Variants in PARP8 observed in about 807,000 individuals in gnomAD.
The protein encoded by PARP8 is poly(ADP-ribose) polymerase family member 8, also known as protein mono-ADP-ribosyltransferase PARP8.
A neutral mutation model predicts 124.1 loss-of-function variants in PARP8; 51 were observed. The ratio of observed to expected loss-of-function variants is 0.41; its 90% CI spans 0.33 to 0.52. PARP8 has a LOEUF of 0.52. PARP8 is among the 20% of genes least tolerant of loss of function. PARP8 has a pLI of 0.21. For synonymous variants in PARP8, 391 were observed against 361.5 expected (o/e 1.08, Z -0.93); for missense variants, 860 against 1,018.9 (o/e 0.84, Z 2.12).
chr5:50,772,138 T>G (rs1339279905), intron 7 of PARP8, among the ~76,000 whole-genome samples: 1 of 152,226 alleles, frequency 6.6e-6, no homozygotes, highest in Non-Finnish European at 1.5e-5. Flanking sequence ...TACTTAAGAC[T>G]GTGTCCTCCA....
In PARP8 at chr5:50,828,300, CT is replaced by C. The variant is rs768521980; in HGVS notation, c.2091-11del. The C allele has an allele frequency of 4.2e-5, 68 of 1,611,290 alleles. No homozygotes were observed. Among genetic ancestry groups the C allele is most frequent in the East Asian group, 6.7e-5 (3 of 44,838 alleles). On this transcript the variant is annotated splice_polypyrimidine_tract_variant and intron_variant, in intron 20 of 25. Transcript: ENST00000281631. ...TCTGGTTTTGCTTTTTCCTTTCCGT[CT>C]GTTTTTTTAGTGGCTCACACATTGA...
intron 2 of PARP8, among the ~76,000 whole-genome samples, chr5:50,748,083 A>G (rs762496833): frequency 7.9e-5 from 12 of 151,094 alleles, no homozygotes; most frequent in Non-Finnish European, 1.2e-4. Flanking sequence ...TTTGTTTTCT[A>G]TTTGTTCCTT....
chr5:50,742,258 AAAT>A (rs1363755855), intron 2 of PARP8, among the ~76,000 whole-genome samples: 2 of 152,238 alleles, frequency 1.3e-5, no homozygotes, highest in Admixed American at 1.3e-4. Context: ...TGTTTATTTT[AAAT>A]AATGCTACCA....
chr5:50,673,947 A>G (rs527923090), intron 2 of PARP8, among the ~76,000 whole-genome samples: 1 of 152,188 alleles, frequency 6.6e-6, no homozygotes, highest in Admixed American at 6.5e-5. Context: ...GCTGTAGAAG[A>G]TATATCTTGC....
chr5:50,792,527 C>G (rs1290201827), intron 10 of PARP8, among the ~76,000 whole-genome samples: 1 of 151,462 alleles, frequency 6.6e-6, no homozygotes, highest in Admixed American at 6.6e-5. Flanking sequence ...CAAGCACTTG[C>G]CGTCTTTCTT....
chr5:50,669,990 A>C (rs1334848840), intron 2 of PARP8, among the ~76,000 whole-genome samples: 2 of 152,322 alleles, frequency 1.3e-5, no homozygotes, highest in East Asian at 3.9e-4. Flanking sequence ...GCTTGTTCTA[A>C]AATACAATAT....
intron 8 of PARP8, among the ~76,000 whole-genome samples, 200 bp downstream of exon 8, chr5:50,778,329 G>T (rs971400645): frequency 3.3e-5 from 5 of 152,046 alleles, no homozygotes; most frequent in Admixed American, 3.3e-4. Flanking sequence ...TTTTTCTAAT[G>T]GTCTCTGAAA....
chr5:50,772,980 G>A (rs1200340711), intron 7 of PARP8, among the ~76,000 whole-genome samples: 1 of 152,180 alleles, frequency 6.6e-6, no homozygotes, highest in Admixed American at 6.5e-5. Context: ...TTACAGGCAT[G>A]AGCCACCACA....
chr5:50,690,968 G>C (rs1752435632), intron 2 of PARP8, among the ~76,000 whole-genome samples: 3 of 151,906 alleles, frequency 2.0e-5, no homozygotes, highest in South Asian at 2.1e-4. Context: ...AATTCATATA[G>C]AAGTCAGTAT....
At chr5:50,784,963 G>A (rs975214516) in intron 9 of PARP8, among the ~76,000 whole-genome samples, 3 of 151,870 alleles carry the variant, frequency 2.0e-5, no homozygotes, top group African/African-American at 4.8e-5. Context: ...ATTGCAGCTA[G>A]TACAGAGGTC....
At chr5:50,833,133 C>A (rs1405857731) in intron 23 of PARP8, among the ~76,000 whole-genome samples, 1 of 152,024 alleles carries the variant, frequency 6.6e-6, no homozygotes, top group African/African-American at 2.4e-5. Flanking sequence ...TCTCTTGGAG[C>A]CTACATCCTA....
intron 2 of PARP8, among the ~76,000 whole-genome samples, chr5:50,715,814 A>C (rs956118482): frequency 6.6e-6 from 1 of 152,030 alleles, no homozygotes; most frequent in Non-Finnish European, 1.5e-5. Flanking sequence ...TTATGTCCAG[A>C]GCTTCTGTCT....
rs565963772 is a variant in PARP8, at chr5:50,735,110, A to G, written c.147-15041A>G. Among the ~76,000 whole-genome samples the G allele has an allele frequency of 1.3e-3, 200 of 152,192 alleles. 1 individual carries two copies. Among genetic ancestry groups the G allele is most frequent in the African/African-American group, 4.8e-3 (198 of 41,562 alleles). ...ATGCTTGCTTCTCTTGTGTGTTAGT[A>G]CTGTACTATAATAGGATTCTGGTGT... On this transcript the variant is annotated intron_variant, in intron 2 of 25. Coordinates refer to ENST00000281631, the MANE Select transcript of PARP8 (RefSeq NM_024615.4).
At chr5:50,752,894 C>A (rs1207699102) in intron 3 of PARP8, among the ~76,000 whole-genome samples, 1 of 152,054 alleles carries the variant, frequency 6.6e-6, no homozygotes, top group Non-Finnish European at 1.5e-5. Flanking sequence ...TCCCTAGGAA[C>A]AGATTTGTCC....
intron 2 of PARP8, among the ~76,000 whole-genome samples, chr5:50,711,911 G>C (rs1754804781): frequency 1.3e-5 from 2 of 151,908 alleles, no homozygotes; most frequent in South Asian, 4.2e-4. Flanking sequence ...GTAAATCATA[G>C]GCCAGGCTAT....
At chr5:50,709,922 GTATATATATATATATATA>G (rs200521595) in intron 2 of PARP8, among the ~76,000 whole-genome samples, 19 of 93,930 alleles carry the variant, frequency 2.0e-4, no homozygotes, top group South Asian at 7.1e-4. Flanking sequence ...TAGAAAGAGT[GTATATATATATATATATA>G]TATATATATA....
intron 3 of PARP8, among the ~76,000 whole-genome samples, chr5:50,757,549 G>T (rs926690403): frequency 6.6e-5 from 10 of 152,036 alleles, no homozygotes; most frequent in Non-Finnish European, 1.3e-4. Flanking sequence ...AGCCAAAATA[G>T]GAAATTACAT....
intron 9 of PARP8, among the ~76,000 whole-genome samples, chr5:50,779,591 G>A (rs1382312561): frequency 6.6e-6 from 1 of 152,182 alleles, no homozygotes; most frequent in African/African-American, 2.4e-5. Flanking sequence ...GAAGAGACAG[G>A]ATGTAGAAGC....
chr5:50,675,688 G>A (rs1407509398), intron 2 of PARP8, among the ~76,000 whole-genome samples: 2 of 152,216 alleles, frequency 1.3e-5, no homozygotes, highest in Non-Finnish European at 2.9e-5. Flanking sequence ...TGTATTTGAA[G>A]TGTAGAACCA....
Sources: allele counts gnomAD v4.1 joint callset (sites outside exome capture counted in the v4.1 genomes callset), GRCh38; gene constraint gnomAD v4.1.1; transcripts MANE v1.5; gene names NCBI Gene and HGNC (gene_info 2026-07-23, HGNC 2026-07-21).